The following XKR9 variants were observed in gnomAD, a reference collection of about 807,000 sequenced individuals.
The protein encoded by XKR9 is XK related 9.
A neutral mutation model predicts 32.0 loss-of-function variants in XKR9; 32 were observed. The observed-to-expected ratio is 1.00, with a 90% CI of 0.76 to 1.34. The LOEUF is 1.34. Among genes scored for constraint, XKR9 ranks in the 40% most tolerant of loss-of-function variants. The pLI is 0.00. For synonymous variants in XKR9, 168 were observed against 143.4 expected (o/e 1.17, Z -1.22); for missense variants, 546 against 429.7 (o/e 1.27, Z -2.39).
At chr8:71,003,447 T>C in the XKR9 span, among the ~76,000 whole-genome samples, 2 of 148,760 alleles carry the variant, frequency 1.3e-5, no homozygotes, top group Non-Finnish European at 3.0e-5. Context: ...TTTCAGTTTC[T>C]TTTTTTTTTC....
chr8:70,885,571 G>A, the XKR9 span, among the ~76,000 whole-genome samples: 5 of 151,338 alleles, frequency 3.3e-5, no homozygotes, highest in Non-Finnish European at 7.4e-5. Context: ...TCCCCTTTCC[G>A]TTGATCCATG....
At chr8:70,750,812 T>C (rs1280356230) in intron 2 of XKR9, among the ~76,000 whole-genome samples, 1 of 152,232 alleles carries the variant, frequency 6.6e-6, no homozygotes, top group Non-Finnish European at 1.5e-5. Flanking sequence ...TCTGTGATGG[T>C]TAATTTTATG....
the XKR9 span, among the ~76,000 whole-genome samples, chr8:70,890,783 C>T: frequency 6.6e-6 from 1 of 151,788 alleles, no homozygotes; most frequent in Non-Finnish European, 1.5e-5. Flanking sequence ...TTTATCTGGT[C>T]TTAGTATCAG....
At chr8:70,842,457 A>G in the XKR9 span, among the ~76,000 whole-genome samples, 1 of 152,076 alleles carries the variant, frequency 6.6e-6, no homozygotes, top group African/African-American at 2.4e-5. Flanking sequence ...GATGTTATTT[A>G]ATAGATGGGT....
At chr8:70,879,783 A>G in the XKR9 span, among the ~76,000 whole-genome samples, 42 of 152,172 alleles carry the variant, frequency 2.8e-4, no homozygotes, top group Non-Finnish European at 5.6e-4. Flanking sequence ...TACGAGGCCA[A>G]CGTCATCCTG....
intron 2 of XKR9, among the ~76,000 whole-genome samples, chr8:70,677,646 G>A (rs1818928893): frequency 6.6e-6 from 1 of 152,140 alleles, no homozygotes; most frequent in Non-Finnish European, 1.5e-5. Flanking sequence ...TACTGTGTAA[G>A]TATATTGTGG....
the XKR9 span, among the ~76,000 whole-genome samples, chr8:70,887,230 T>C: frequency 6.6e-6 from 1 of 152,174 alleles, no homozygotes; most frequent in Non-Finnish European, 1.5e-5. Flanking sequence ...ATCAGATGGT[T>C]GTAGATGTGT....
the XKR9 span, among the ~76,000 whole-genome samples, chr8:70,883,981 G>C: frequency 2.6e-5 from 4 of 152,116 alleles, no homozygotes; most frequent in Non-Finnish European, 4.4e-5. Context: ...CAAAATGGCT[G>C]TACCATTTTG....
chr8:70,801,944 T>C, the XKR9 span, among the ~76,000 whole-genome samples: 3 of 151,642 alleles, frequency 2.0e-5, no homozygotes, highest in Non-Finnish European at 2.9e-5. Context: ...CTTTCTTTTT[T>C]TTTTTTTTGA....
chr8:70,793,685 G>A (rs1807793653), downstream of XKR9, among the ~76,000 whole-genome samples: 1 of 152,102 alleles, frequency 6.6e-6, no homozygotes, highest in Non-Finnish European at 1.5e-5. Context: ...TTTATTTCTG[G>A]ACTTACAATT....
chr8:70,822,408 T>C, the XKR9 span, among the ~76,000 whole-genome samples: 1 of 152,040 alleles, frequency 6.6e-6, no homozygotes, highest in East Asian at 1.9e-4. Context: ...AACAGGAATA[T>C]ATGTGGTTGT....
At chr8:70,889,745 A>G in the XKR9 span, among the ~76,000 whole-genome samples, 1 of 151,994 alleles carries the variant, frequency 6.6e-6, no homozygotes, top group Non-Finnish European at 1.5e-5. Flanking sequence ...TTCAAAGGAC[A>G]TCATTTCATT....
At chr8:70,807,496 G>A in the XKR9 span, among the ~76,000 whole-genome samples, 369 of 152,194 alleles carry the variant, frequency 2.4e-3, 2 homozygotes, top group African/African-American at 8.5e-3. Context: ...AAGGCCCATT[G>A]GTGTGCTGAA....
At chr8:70,997,325 A>G in the XKR9 span, among the ~76,000 whole-genome samples, 1 of 147,734 alleles carries the variant, frequency 6.8e-6, no homozygotes, top group Admixed American at 6.8e-5. Flanking sequence ...AAAAACCAAA[A>G]CCCCCCCGCA....
chr8:70,678,634 C>T (rs1818962304), intron 2 of XKR9, among the ~76,000 whole-genome samples: 1 of 152,130 alleles, frequency 6.6e-6, no homozygotes, highest in South Asian at 2.1e-4. Context: ...CATAAGAAAC[C>T]TGCTGCAGGG....
At chr8:70,929,558 A>G in the XKR9 span, among the ~76,000 whole-genome samples, 4 of 152,190 alleles carry the variant, frequency 2.6e-5, no homozygotes, top group Non-Finnish European at 5.9e-5. Context: ...CTGGGAAAGA[A>G]TCTCCATCTA....
At chr8:70,754,295 C>T (rs1289884234) in intron 2 of XKR9, among the ~76,000 whole-genome samples, 3 of 146,656 alleles carry the variant, frequency 2.0e-5, no homozygotes, top group Admixed American at 7.8e-5. Context: ...ACATTCCATG[C>T]TTATGGATAG....
chr8:70,922,533 A>G, the XKR9 span, among the ~76,000 whole-genome samples: 1 of 152,236 alleles, frequency 6.6e-6, no homozygotes. Context: ...ATCCATTTAA[A>G]GTATTTTCCC....
chr8:70,995,253 C>T, the XKR9 span, among the ~76,000 whole-genome samples: 2 of 152,172 alleles, frequency 1.3e-5, no homozygotes, highest in Non-Finnish European at 2.9e-5. Flanking sequence ...TGGCCCATAC[C>T]ACCCTACTGT....
Sources: gnomAD v4.1 joint callset for allele counts (sites outside exome capture counted in the v4.1 genomes callset) on GRCh38, gnomAD v4.1.1 for gene constraint, MANE v1.5 for transcripts, NCBI Gene and HGNC (gene_info 2026-07-23, HGNC 2026-07-21) for gene names.